TNFSF4: variants seen among roughly 807,000 people sequenced by gnomAD.
TNFSF4 encodes TNF superfamily member 4.
A neutral mutation model predicts 7.3 loss-of-function variants in TNFSF4; 4 were observed. The observed-to-expected ratio is 0.55, with a 90% confidence interval of 0.27 to 1.25. The LOEUF (loss-of-function observed/expected upper bound fraction) is 1.25, where lower values mean the gene tolerates loss of function less well. TNFSF4 is among the 50% of genes most tolerant of loss of function. The pLI, the probability that TNFSF4 is intolerant of heterozygous loss-of-function variation, is 0.12. For synonymous variants in TNFSF4, 76 were observed against 83.7 expected (o/e 0.91, Z 0.50); for missense variants, 181 against 208.8 (o/e 0.87, Z 0.82).
chr1:173,298,370 T>A, the TNFSF4 span, among the ~76,000 whole-genome samples: 4 of 151,948 alleles, frequency 2.6e-5, no homozygotes. Context: ...AATGGTTTAG[T>A]TAACATGTAA....
intron 2 of TNFSF4, 85 bp downstream of exon 2, chr1:173,188,436 G>C (rs1208459032): frequency 9.4e-7 from 1 of 1,068,714 alleles, no homozygotes; most frequent in South Asian, 1.4e-5. Flanking sequence ...GAAAAGAAGA[G>C]ATCTTGTGTT....
chr1:173,314,820 T>C, the TNFSF4 span, among the ~76,000 whole-genome samples: 7 of 151,976 alleles, frequency 4.6e-5, no homozygotes, highest in South Asian at 6.2e-4. Flanking sequence ...GAGCTGGAGA[T>C]ACCAACCCCC....
the TNFSF4 span, among the ~76,000 whole-genome samples, chr1:173,309,552 T>C: frequency 6.6e-6 from 1 of 151,970 alleles, no homozygotes; most frequent in Non-Finnish European, 1.5e-5. Context: ...GATGGGGATA[T>C]AGTATCCCTT....
the TNFSF4 span, among the ~76,000 whole-genome samples, chr1:173,235,355 A>G: frequency 6.6e-6 from 1 of 152,216 alleles, no homozygotes; most frequent in Non-Finnish European, 1.5e-5. Flanking sequence ...CACAGATTGA[A>G]TACCAGGCCA....
chr1:173,443,576 C>T, the TNFSF4 span, among the ~76,000 whole-genome samples: 4 of 151,972 alleles, frequency 2.6e-5, no homozygotes, highest in Non-Finnish European at 5.9e-5. Flanking sequence ...ATATAGATAG[C>T]GATTGATATA....
chr1:173,424,906 G>C, the TNFSF4 span, among the ~76,000 whole-genome samples: 7 of 152,142 alleles, frequency 4.6e-5, no homozygotes, highest in Non-Finnish European at 7.4e-5. Flanking sequence ...GACCAGACAG[G>C]TGGATTTTCA....
At chr1:173,309,055 T>G in the TNFSF4 span, among the ~76,000 whole-genome samples, 260 of 152,078 alleles carry the variant, frequency 1.7e-3, 2 homozygotes, top group African/African-American at 5.9e-3. Context: ...TGCTAGAAGA[T>G]CTTATGGGGT....
At chr1:173,416,594 T>C in the TNFSF4 span, among the ~76,000 whole-genome samples, 2 of 148,032 alleles carry the variant, frequency 1.4e-5, no homozygotes, top group Non-Finnish European at 3.0e-5. Flanking sequence ...ACATTATAAA[T>C]GTTATTTTTT....
chr1:173,265,951 T>A, the TNFSF4 span, among the ~76,000 whole-genome samples: 3 of 152,200 alleles, frequency 2.0e-5, no homozygotes, highest in African/African-American at 7.2e-5. Context: ...CTCTAAACTT[T>A]AACTCCTTAA....
the TNFSF4 span, among the ~76,000 whole-genome samples, chr1:173,273,213 T>C: frequency 6.6e-6 from 1 of 152,172 alleles, no homozygotes; most frequent in African/African-American, 2.4e-5. Context: ...GCATTGTCTC[T>C]ATAAATTTAT....
chr1:173,352,308 G>A, the TNFSF4 span, among the ~76,000 whole-genome samples: 1 of 152,232 alleles, frequency 6.6e-6, no homozygotes, highest in Non-Finnish European at 1.5e-5. Flanking sequence ...AAAAGTCACA[G>A]AGAAGACTGG....
the TNFSF4 span, among the ~76,000 whole-genome samples, chr1:173,289,215 T>C: frequency 6.6e-6 from 1 of 152,104 alleles, no homozygotes; most frequent in Non-Finnish European, 1.5e-5. Context: ...CATTGATAAA[T>C]ACTAAACCAT....
intron 2 of TNFSF4, 167 bp downstream of exon 2, chr1:173,188,354 T>C (rs1649319539): frequency 1.6e-6 from 1 of 618,442 alleles, no homozygotes; most frequent in Non-Finnish European, 2.9e-6. Context: ...TATACATCTG[T>C]ATCCCTAATG....
the TNFSF4 span, among the ~76,000 whole-genome samples, chr1:173,304,624 A>G: frequency 6.6e-6 from 1 of 151,968 alleles, no homozygotes; most frequent in African/African-American, 2.4e-5. Flanking sequence ...TAAATTGACA[A>G]AGAAACCAAC....
intron 1 of TNFSF4, chr1:173,205,261 A>G (rs369211002): frequency 3.1e-6 from 5 of 1,604,876 alleles, no homozygotes; most frequent in Admixed American, 3.4e-5. Context: ...TCTTGCTTCC[A>G]TCTCTGTGCC....
At chr1:173,355,719 T>G in the TNFSF4 span, among the ~76,000 whole-genome samples, 1 of 152,248 alleles carries the variant, frequency 6.6e-6, no homozygotes, top group Non-Finnish European at 1.5e-5. Flanking sequence ...CCTCTCATTT[T>G]ATACCCCAGT....
the TNFSF4 span, among the ~76,000 whole-genome samples, chr1:173,243,774 C>T: frequency 6.6e-6 from 1 of 152,168 alleles, no homozygotes; most frequent in Admixed American, 6.5e-5. Flanking sequence ...ACACTAAAAC[C>T]TGCCCATTCT....
chr1:173,251,459 T>C, the TNFSF4 span, among the ~76,000 whole-genome samples: 1 of 152,322 alleles, frequency 6.6e-6, no homozygotes, highest in Admixed American at 6.5e-5. Flanking sequence ...GCCTAGCACA[T>C]AGTACTCAAT....
the TNFSF4 span, among the ~76,000 whole-genome samples, chr1:173,387,610 T>TTG: frequency 6.6e-6 from 1 of 152,236 alleles, no homozygotes; most frequent in Admixed American, 6.5e-5. Flanking sequence ...CTGAAACTGA[T>TTG]AGTCAATTGA....
Sources: allele counts gnomAD v4.1 joint callset (sites outside exome capture counted in the v4.1 genomes callset), GRCh38; gene constraint gnomAD v4.1.1; transcripts MANE v1.5; gene names NCBI Gene and HGNC (gene_info 2026-07-23, HGNC 2026-07-21).